CCNA1: variants seen among roughly 807,000 people sequenced by gnomAD.
The protein encoded by CCNA1 is cyclin-A1.
In CCNA1, 23 loss-of-function variants were observed where a neutral mutation model predicts 54.1. The ratio of observed to expected loss-of-function variants is 0.42; its 90% CI spans 0.31 to 0.60. The LOEUF (loss-of-function observed/expected upper bound fraction) is 0.60. Ranked by LOEUF, CCNA1 falls within the 20% of genes least tolerant of loss-of-function variation. CCNA1 has a pLI of 0.14. For missense variants in CCNA1, 450 were observed against 556.7 expected (o/e 0.81, Z 1.93); for synonymous variants, 208 against 213.9 (o/e 0.97, Z 0.24).
In CCNA1 at chr13:36,433,440, T is replaced by TTCTTTTCTTTC. The variant is rs1566169715; in HGVS notation, c.297+221_297+222insTTTTCTTTCTC. The stretch of plus-strand genomic sequence containing the variant: ...TTTCTTTCTTTCTTTCTTTCTTTCT[T>TTCTTTTCTTTC]TCGTTCTTTCTTTCTTTCTTTTCTT... On this transcript the variant is annotated intron_variant, in intron 2 of 8. Transcript: ENST00000255465. Among the ~76,000 whole-genome samples, 186 of 79,934 alleles carry TTCTTTTCTTTC rather than the reference T, an allele frequency of 2.3e-3. 9 individuals are homozygous for TTCTTTTCTTTC. Among genetic ancestry groups the TTCTTTTCTTTC allele is most frequent in the Middle Eastern group, 0.019 (3 of 158 alleles). 52.4% of individuals were successfully genotyped at this position (79,934 alleles called of 152,430 possible).
rs1228404065 is a variant in CCNA1, at chr13:36,440,992, GC to G, written c.1099-125del. The G allele has an allele frequency of 2.4e-5, 13 of 536,082 alleles. No homozygotes were observed. In the African/African-American group the frequency reaches 2.5e-4, roughly 10 times the overall value. 33.2% of individuals were successfully genotyped at this position (536,082 alleles called of 1,614,324 possible). A position where few individuals can be genotyped will look rare whatever the true frequency, so the allele number is the denominator to read the frequency against. ...TTACTAACCCAGTAAGTAATTTTGA[GC>G]ATCTATTTTTGTAGATGCCGACTGA... On this transcript the variant is annotated intron_variant, in intron 6 of 8. Coordinates refer to ENST00000255465, the MANE Select transcript of CCNA1 (RefSeq NM_003914.4).
In CCNA1 at chr13:36,434,831, C is replaced by CT. The variant is rs1566170384; in HGVS notation, c.297+1610_297+1611insT. Among the ~76,000 whole-genome samples, 16 of 119,386 alleles carry CT rather than the reference C, an allele frequency of 1.3e-4. No homozygotes were observed. The South Asian group carries it at 4.2e-3, about 32-fold the overall frequency. 78.3% of individuals were successfully genotyped at this position (119,386 alleles called of 152,430 possible). ...TCCCTGCTGTCATGAGAGGTGCCCC[C>CT]CCCCCCGCGCCATGCGTACAATATA... On this transcript the variant is annotated intron_variant, in intron 2 of 8. Transcript: ENST00000255465.
intron 2 of CCNA1, among the ~76,000 whole-genome samples, chr13:36,433,431 T>TTTCGTTCGTTCG (rs1555269923): frequency 5.3e-5 from 5 of 94,542 alleles, no homozygotes; most frequent in African/African-American, 2.1e-4. Context: ...TCTTTCTTTC[T>TTTCGTTCGTTCG]TTCTTTCTTT....
Position 36,442,780 on chromosome 13 carries a change from T to A in CCNA1, c.*115T>A. On this transcript the variant is annotated 3_prime_UTR_variant, in exon 9 of 9. Transcript: ENST00000255465. ...GTTGTTTACAATATAGATGACATTT[T>A]AAAAATGTAAATGAATTTAGTTTCC... The A allele has an allele frequency of 2.4e-6, 2 of 824,626 alleles. No homozygotes were observed. Among genetic ancestry groups the A allele is most frequent in the Non-Finnish European group, 4.0e-6 (2 of 503,898 alleles). 51.1% of individuals were successfully genotyped at this position (824,626 alleles called of 1,614,324 possible). A position where few individuals can be genotyped will look rare whatever the true frequency, so the allele number is the denominator to read the frequency against.
At chr13:36,440,986 T>C (rs892943245) in intron 6 of CCNA1, 132 bp from the exon 7 acceptor site, 9 of 538,304 alleles carry the variant, frequency 1.7e-5, no homozygotes, top group South Asian at 1.3e-4. Flanking sequence ...CAGTAAGTAA[T>C]TTTGAGCATC....
In CCNA1 at chr13:36,438,285, G is replaced by A. The variant is rs557147547; in HGVS notation, c.669+94G>A. The stretch of plus-strand genomic sequence containing the variant: ...TCTTGGTCCATAACCACTAGTGAAT[G>A]GCACTCTTATGCCAGCTAAACATAA... On this transcript the variant is annotated intron_variant, in intron 4 of 8. Transcript: ENST00000255465. The A allele has an allele frequency of 4.3e-5, 47 of 1,088,878 alleles. No individual in the cohort carries two copies. The South Asian group carries it at 6.9e-4, about 16-fold the overall frequency. 67.5% of individuals were successfully genotyped at this position (1,088,878 alleles called of 1,614,324 possible).
chr13:36,441,928 G>T (rs79248127), intron 7 of CCNA1, among the ~76,000 whole-genome samples: 1 of 151,942 alleles, frequency 6.6e-6, no homozygotes, highest in Non-Finnish European at 1.5e-5. Flanking sequence ...CACTCATGAG[G>T]GAACAAGGAA....
At chr13:36,442,109 G>A in intron 7 of CCNA1, 62 bp from the exon 8 acceptor site, 1 of 1,365,104 alleles carries the variant, frequency 7.3e-7, no homozygotes, top group Non-Finnish European at 1.0e-6. Flanking sequence ...TTTCAAATTG[G>A]TTATCTTCGG....
Position 36,433,022 on chromosome 13 carries a change from T to C in CCNA1, c.109-11T>C. 6.2e-7 allele frequency: 1 copy of C among 1,608,642 alleles called. No homozygotes were observed. The highest frequency in any genetic ancestry group is 8.5e-7 in the Non-Finnish European group (1 of 1,177,210). ...GACTAAACAGCTTGTCTGTTTCTCT[T>C]TCCCTGGTAGCAGCAGCCCGTGGAG... On this transcript the variant is annotated splice_polypyrimidine_tract_variant and intron_variant, in intron 1 of 8. Transcript: ENST00000255465.
rs768461226 is a variant in CCNA1 at position 36,442,208 on chromosome 13, G to A, written c.1250G>A (p.Ser417Asn). Reference sequence around the variant, plus strand: ...GCTGCATTTACAGGGTATTCATTAAGTGAAATTGTGCCTTGCCTGAGTGAG... The same window carrying A: ...GCTGCATTTACAGGGTATTCATTAAATGAAATTGTGCCTTGCCTGAGTGAG... The change falls in exon 8 of 9, where the codon AGT becomes AAT. Residue 417 changes from serine to asparagine, a missense_variant. By Grantham distance (46) the Ser-to-Asn change is conservative (BLOSUM62 1). Coordinates refer to ENST00000255465, the MANE Select transcript of CCNA1 (RefSeq NM_003914.4). 25 of 1,613,936 alleles carry A rather than the reference G, an allele frequency of 1.5e-5. No homozygotes were observed. The highest frequency in any genetic ancestry group is 3.3e-4 in the Middle Eastern group (2 of 6,060).
At chr13:36,441,658 A>G (rs1445296795) in intron 7 of CCNA1, among the ~76,000 whole-genome samples, 1 of 152,222 alleles carries the variant, frequency 6.6e-6, no homozygotes, top group African/African-American at 2.4e-5. Flanking sequence ...CTTGCCCAAG[A>G]AGGTGGCAAC....
At chr13:36,435,229 A>G (rs796995312) in intron 2 of CCNA1, among the ~76,000 whole-genome samples, 17 of 152,342 alleles carry the variant, frequency 1.1e-4, no homozygotes, top group African/African-American at 3.6e-4. Context: ...TTAAAGCCAC[A>G]TATCTTGAGA....
chr13:36,431,731 G>C (rs2055709217), upstream of CCNA1: 1 of 152,298 alleles, frequency 6.6e-6, no homozygotes. Flanking sequence ...GACTGCACTT[G>C]GGGCAGCCCC....
chr13:36,435,700 C>CA (rs1427701870), intron 2 of CCNA1, among the ~76,000 whole-genome samples: 4 of 152,208 alleles, frequency 2.6e-5, no homozygotes, highest in Non-Finnish European at 5.9e-5. Context: ...TAGCATTAAA[C>CA]ACTCTCTATT....
rs772665931 is a variant in CCNA1, at chr13:36,442,566, A to G, written c.1347-48A>G. The G allele has an allele frequency of 3.7e-6, 6 of 1,602,416 alleles. No homozygotes were observed. The Admixed American group carries it at 8.4e-5, about 22-fold the overall frequency. ...TTTTCTGTGACCTGAGATTTTATCA[A>G]ACCAAAGTCCTTGGCTTGTGCTGAC... is the stretch of plus-strand genomic sequence containing the variant. On this transcript the variant is annotated intron_variant, in intron 8 of 8. Transcript: ENST00000255465.
At chr13:36,441,004 G>T in intron 6 of CCNA1, 114 bp from the exon 7 acceptor site, 1 of 548,736 alleles carries the variant, frequency 1.8e-6, no homozygotes, top group Non-Finnish European at 3.3e-6. Flanking sequence ...ATCTATTTTT[G>T]TAGATGCCGA....
intron 2 of CCNA1, among the ~76,000 whole-genome samples, chr13:36,436,578 A>G (rs2055808225): frequency 1.3e-5 from 2 of 152,138 alleles, no homozygotes; most frequent in Non-Finnish European, 2.9e-5. Context: ...CAAGAGTCAA[A>G]CCTGGCAGTA....
intron 7 of CCNA1, 100 bp from the exon 8 acceptor site, chr13:36,442,071 A>T (rs1166027123): frequency 1.1e-6 from 1 of 872,466 alleles, no homozygotes; most frequent in Non-Finnish European, 1.8e-6. Flanking sequence ...ATGAATGTGA[A>T]TATTTACTAA....
chr13:36,438,781 C>T lies in CCNA1; in HGVS notation c.807C>T (p.Val269=). ...GAGCAGAGACCCTGTATCTGGCTGT[C>T]AACTTCCTGGACAGGTTCCTTTCAT... is the stretch of plus-strand genomic sequence containing the variant. Residue 269 remains valine, a synonymous_variant, in exon 5 of 9, where the codon GTC becomes GTT. Coordinates refer to ENST00000255465, the MANE Select transcript of CCNA1 (RefSeq NM_003914.4). The T allele has an allele frequency of 6.2e-7, 1 of 1,614,092 alleles. No individual in the cohort carries two copies. Among genetic ancestry groups the T allele is most frequent in the Non-Finnish European group, 8.5e-7 (1 of 1,179,974 alleles).
Sources: allele counts gnomAD v4.1 joint callset (sites outside exome capture counted in the v4.1 genomes callset), GRCh38; gene constraint gnomAD v4.1.1; transcripts MANE v1.5; gene names NCBI Gene and HGNC (gene_info 2026-07-23, HGNC 2026-07-21).